Variants in FBN2 observed in about 807,000 individuals in gnomAD.
The protein encoded by FBN2 is fibrillin 2, also known as fibrillin-2.
A neutral mutation model predicts 355.6 loss-of-function variants in FBN2; 105 were observed. That is an observed-to-expected ratio of 0.30 (90% CI 0.25 to 0.35). FBN2 has a LOEUF of 0.35. FBN2 is among the 10% of genes least tolerant of loss of function. The pLI is 1.00. For synonymous variants in FBN2, 1,350 were observed against 1,301.2 expected (o/e 1.04, Z -0.81); for missense variants, 3,280 against 3,758.7 (o/e 0.87, Z 3.33).
At chr5:128,280,791 C>T (rs1437945811) in intron 55 of FBN2, among the ~76,000 whole-genome samples, 3 of 152,128 alleles carry the variant, frequency 2.0e-5, no homozygotes, top group African/African-American at 7.2e-5. Flanking sequence ...ATCACAGGAA[C>T]AACTATGGTC....
chr5:128,440,758 T>C (rs1196881701), intron 7 of FBN2, among the ~76,000 whole-genome samples: 1 of 152,216 alleles, frequency 6.6e-6, no homozygotes, highest in African/African-American at 2.4e-5. Context: ...AATGAATTAT[T>C]TAGGCACAGA....
intron 7 of FBN2, among the ~76,000 whole-genome samples, chr5:128,418,292 C>A (rs1581276838): frequency 6.6e-6 from 1 of 151,990 alleles, no homozygotes; most frequent in South Asian, 2.1e-4. Flanking sequence ...TTCAGAAAAA[C>A]CAACTTTTCA....
intron 3 of FBN2, among the ~76,000 whole-genome samples, chr5:128,528,968 C>T (rs146748548): frequency 1.2e-3 from 183 of 152,204 alleles, no homozygotes; most frequent in Middle Eastern, 3.4e-3. Context: ...TTTAAAGAGC[C>T]GACATAGAGA....
In FBN2 at chr5:128,305,644, A is replaced by T. The variant is rs1339062362; in HGVS notation, c.5549-8T>A. The T allele has an allele frequency of 1.4e-5, 23 of 1,613,956 alleles. No homozygotes were observed. Among genetic ancestry groups the T allele is most frequent in the Admixed American group, 3.3e-5 (2 of 59,998 alleles). ...TGCTGCACTCATCTATATCTGAAAG[A>T]GCAACAATTCCATTTTAAAGAGTCC... On this transcript the variant is annotated splice_polypyrimidine_tract_variant and splice_region_variant and intron_variant, in intron 43 of 64. Transcript: ENST00000262464.
chr5:128,355,365 ATTG>A (rs1176476556), intron 20 of FBN2, among the ~76,000 whole-genome samples: 1 of 152,212 alleles, frequency 6.6e-6, no homozygotes, highest in Non-Finnish European at 1.5e-5. Context: ...AATCAAATGC[ATTG>A]TTCTATTACA....
chr5:128,322,838 T>C (rs1350391870), intron 34 of FBN2, among the ~76,000 whole-genome samples: 4 of 152,196 alleles, frequency 2.6e-5, no homozygotes, highest in South Asian at 2.1e-4. Flanking sequence ...GGGGATACCA[T>C]TGAATCTATA....
intron 7 of FBN2, among the ~76,000 whole-genome samples, chr5:128,441,756 T>C (rs1205607109): frequency 6.6e-6 from 1 of 152,136 alleles, no homozygotes; most frequent in African/African-American, 2.4e-5. Context: ...GTAGCACCCC[T>C]GACTTTCTTA....
chr5:128,387,572 C>A (rs182875579), intron 11 of FBN2, among the ~76,000 whole-genome samples: 1 of 152,158 alleles, frequency 6.6e-6, no homozygotes, highest in Non-Finnish European at 1.5e-5. Flanking sequence ...TGAGACCTTT[C>A]TAACTTTTTG....
At chr5:128,427,592 C>T (rs1753515301) in intron 7 of FBN2, among the ~76,000 whole-genome samples, 1 of 152,168 alleles carries the variant, frequency 6.6e-6, no homozygotes, top group South Asian at 2.1e-4. Context: ...AATAAAGCTG[C>T]TCTTTATTAA....
intron 5 of FBN2, among the ~76,000 whole-genome samples, chr5:128,506,447 C>T (rs1755963779): frequency 6.6e-6 from 1 of 152,076 alleles, no homozygotes; most frequent in Admixed American, 6.5e-5. Flanking sequence ...GTATTGTTTT[C>T]AACTTAGATT....
intron 7 of FBN2, among the ~76,000 whole-genome samples, chr5:128,419,275 C>CT (rs1447965724): frequency 2.0e-5 from 3 of 152,076 alleles, no homozygotes; most frequent in African/African-American, 7.2e-5. Flanking sequence ...AGTTTTACTT[C>CT]TTTTTTTCCA....
chr5:128,275,933 T>C (rs1406171376), intron 59 of FBN2, 105 bp downstream of exon 59: 1 of 1,315,918 alleles, frequency 7.6e-7, no homozygotes, highest in Non-Finnish European at 1.1e-6. Context: ...GATGGGACCT[T>C]TTAATGAAGG....
At chr5:128,441,689 C>T (rs1406805935) in intron 7 of FBN2, among the ~76,000 whole-genome samples, 2 of 152,096 alleles carry the variant, frequency 1.3e-5, no homozygotes, top group South Asian at 2.1e-4. Context: ...AGTTCAGATA[C>T]AATATGGTAA....
At chr5:128,328,862 T>C in intron 33 of FBN2, 41 bp from the exon 34 acceptor site, 1 of 1,610,738 alleles carries the variant, frequency 6.2e-7, no homozygotes, top group East Asian at 2.2e-5. Context: ...AAGTTCCAAA[T>C]TTCATGACAC....
intron 16 of FBN2, among the ~76,000 whole-genome samples, chr5:128,367,237 C>T (rs1751797343): frequency 6.6e-6 from 1 of 152,124 alleles, no homozygotes; most frequent in African/African-American, 2.4e-5. Flanking sequence ...CCCCAAATTA[C>T]CCCTCCATCA....
At chr5:128,473,551 T>C (rs1037387948) in intron 5 of FBN2, among the ~76,000 whole-genome samples, 3 of 152,170 alleles carry the variant, frequency 2.0e-5, no homozygotes, top group Admixed American at 2.0e-4. Flanking sequence ...TGAGATCCAT[T>C]TCACTCCAAG....
At chr5:128,330,314 G>A (rs1410221122) in intron 33 of FBN2, among the ~76,000 whole-genome samples, 1 of 152,164 alleles carries the variant, frequency 6.6e-6, no homozygotes, top group Non-Finnish European at 1.5e-5. Context: ...TTACAAATGA[G>A]TAAGATAAAA....
chr5:128,382,162 T>TA (rs1289788265), intron 11 of FBN2, among the ~76,000 whole-genome samples: 1 of 152,056 alleles, frequency 6.6e-6, no homozygotes, highest in African/African-American at 2.4e-5. Flanking sequence ...ATTACCATCC[T>TA]AAAACCACTC....
intron 34 of FBN2, among the ~76,000 whole-genome samples, chr5:128,325,363 C>A (rs780098025): frequency 1.3e-5 from 2 of 152,096 alleles, no homozygotes; most frequent in Non-Finnish European, 2.9e-5. Flanking sequence ...TTATGTAATG[C>A]CCTTCTTTGT....
Sources: gnomAD v4.1 joint callset for allele counts (sites outside exome capture counted in the v4.1 genomes callset) on GRCh38, gnomAD v4.1.1 for gene constraint, MANE v1.5 for transcripts, NCBI Gene and HGNC (gene_info 2026-07-23, HGNC 2026-07-21) for gene names.